Variants in DCX observed in about 807,000 individuals in gnomAD.
DCX encodes neuronal migration protein doublecortin.
Under a neutral mutation model 20.9 loss-of-function variants are expected in DCX, and 4 were observed. The observed-to-expected ratio is 0.19, with a 90% CI of 0.09 to 0.44. The LOEUF is 0.44. Among genes scored for constraint, DCX ranks in the 20% least tolerant of loss-of-function variants. The probability of loss-of-function intolerance (pLI) is 0.99; values close to 1 mark genes in which losing one functional copy is unlikely to be tolerated. For synonymous variants in DCX, 103 were observed against 111.4 expected (o/e 0.92, Z 0.47); for missense variants, 133 against 296.9 (o/e 0.45, Z 4.06).
Position 111,300,229 on chromosome X carries a change from T to G in DCX, c.*1458A>C, listed in dbSNP as rs1449853763. The G allele has an allele frequency of 8.9e-6, 1 of 112,045 alleles. No homozygotes were observed. The highest frequency in any genetic ancestry group is 1.9e-5 in the Non-Finnish European group (1 of 53,209). 9.2% of individuals were successfully genotyped at this position (112,045 alleles called of 1,213,427 possible). On this transcript the variant is annotated 3_prime_UTR_variant, in exon 7 of 7. Coordinates refer to ENST00000636035, the MANE Select transcript of DCX (RefSeq NM_001195553.2). ...CATGACCTTCACTTAAATTTAGTTG[T>G]CTTTGCCATTATGGGCTATGATTAC...
At chrX:111,404,319 TG>T in intron 2 of DCX, among the ~76,000 whole-genome samples, 1 of 111,990 alleles carries the variant, frequency 8.9e-6, no homozygotes, top group South Asian at 3.7e-4. Context: ...GATTATGATA[TG>T]ACATGAGCAC....
intron 2 of DCX, among the ~76,000 whole-genome samples, chrX:111,402,782 GGTGTGTGTGTGTGT>G (rs200058275): frequency 0.035 from 3,382 of 96,381 alleles, 75 homozygotes; most frequent in Non-Finnish European, 0.052. Context: ...GTGTGTGCGT[GGTGTGTGTGTGTGT>G]GTGTGTGTGT....
chrX:111,377,818 CCTT>C (rs780967790), intron 3 of DCX, among the ~76,000 whole-genome samples: 278 of 111,554 alleles, frequency 2.5e-3, no homozygotes, highest in African/African-American at 8.7e-3. Flanking sequence ...CTCCTTTTCT[CCTT>C]CTCCTTCTCT....
chrX:111,324,696 AG>A (rs2095095468), intron 5 of DCX, among the ~76,000 whole-genome samples: 1 of 112,390 alleles, frequency 8.9e-6, no homozygotes, highest in Admixed American at 9.4e-5. Context: ...GAGCTATATA[AG>A]TATTTGTAAA....
intron 3 of DCX, among the ~76,000 whole-genome samples, chrX:111,341,015 G>A (rs928144153): frequency 9.9e-5 from 11 of 111,039 alleles, no homozygotes; most frequent in African/African-American, 3.3e-4. Flanking sequence ...ATTAGAAGGA[G>A]GGTAAGACTG....
intron 3 of DCX, among the ~76,000 whole-genome samples, chrX:111,351,017 G>GC (rs1473206480): frequency 8.9e-6 from 1 of 111,842 alleles, no homozygotes; most frequent in African/African-American, 3.2e-5. Flanking sequence ...GGAGGAAACC[G>GC]CCCCCATGAT....
intron 5 of DCX, among the ~76,000 whole-genome samples, chrX:111,325,437 C>G (rs768645381): frequency 1.6e-4 from 18 of 111,104 alleles, no homozygotes; most frequent in Non-Finnish European, 7.6e-5. Context: ...AGATCCTAAA[C>G]TTTGTATCTT....
chrX:111,354,803 A>G (rs1249254557), intron 3 of DCX, among the ~76,000 whole-genome samples: 1 of 112,809 alleles, frequency 8.9e-6, no homozygotes, highest in Non-Finnish European at 1.9e-5. Flanking sequence ...TCAGAATTCC[A>G]GTTTTCAATG....
chrX:111,392,306 A>C (rs1927010657), intron 3 of DCX, among the ~76,000 whole-genome samples: 1 of 111,611 alleles, frequency 9.0e-6, no homozygotes, highest in African/African-American at 3.3e-5. Context: ...ATATATATTC[A>C]AGAGAAATGA....
chrX:111,328,923 C>G (rs1321575613), intron 5 of DCX, among the ~76,000 whole-genome samples: 1 of 110,473 alleles, frequency 9.1e-6, no homozygotes, highest in African/African-American at 3.3e-5. Context: ...TTCTTGCCCA[C>G]CAAAACTGTG....
At chrX:111,392,349 T>C (rs1349008396) in intron 3 of DCX, among the ~76,000 whole-genome samples, 1 of 111,042 alleles carries the variant, frequency 9.0e-6, no homozygotes, top group African/African-American at 3.3e-5. Context: ...CATGCCCAAA[T>C]GTTTATAATA....
intron 3 of DCX, among the ~76,000 whole-genome samples, chrX:111,399,227 T>C (rs917250842): frequency 9.0e-6 from 1 of 111,675 alleles, no homozygotes; most frequent in African/African-American, 3.3e-5. Flanking sequence ...TATATATATA[T>C]ACATCCATGT....
intron 6 of DCX, 101 bp from the exon 7 acceptor site, chrX:111,301,844 A>G (rs778900677): frequency 1.4e-4 from 106 of 751,564 alleles, no homozygotes; most frequent in Non-Finnish European, 1.7e-4. Flanking sequence ...AATTTTTACA[A>G]CATAATAATT....
intron 3 of DCX, among the ~76,000 whole-genome samples, chrX:111,382,866 G>A (rs1273386652): frequency 9.0e-6 from 1 of 110,598 alleles, no homozygotes; most frequent in Admixed American, 9.7e-5. Flanking sequence ...TTCTCTTCTA[G>A]GAGTCATTCA....
chrX:111,330,694 G>C (rs1921135014), intron 5 of DCX, among the ~76,000 whole-genome samples: 1 of 112,019 alleles, frequency 8.9e-6, no homozygotes, highest in Admixed American at 9.5e-5. Context: ...AATGGGCCAG[G>C]CTTCTGGTTT....
intron 6 of DCX, 84 bp from the exon 7 acceptor site, chrX:111,301,827 ATACT>A (rs2095034947): frequency 1.2e-6 from 1 of 863,870 alleles, no homozygotes; most frequent in African/African-American, 2.0e-5. Flanking sequence ...TTTTTTATTA[ATACT>A]TTAATTTTTA....
At chrX:111,409,799 C>A (rs963154648) in intron 2 of DCX, among the ~76,000 whole-genome samples, 1 of 111,889 alleles carries the variant, frequency 8.9e-6, no homozygotes, top group African/African-American at 3.2e-5. Flanking sequence ...CCTTTTTATA[C>A]CCTGGCAGAT....
At chrX:111,374,605 T>C (rs1239025720) in intron 3 of DCX, among the ~76,000 whole-genome samples, 1 of 110,712 alleles carries the variant, frequency 9.0e-6, no homozygotes, top group Admixed American at 9.6e-5. Flanking sequence ...GCCTTCCAGT[T>C]GAGTTCACCC....
chrX:111,313,293 T>C (rs956449853), intron 5 of DCX, among the ~76,000 whole-genome samples: 1 of 109,764 alleles, frequency 9.1e-6, no homozygotes, highest in African/African-American at 3.3e-5. Context: ...TCTGCATGTG[T>C]GAAAAGAACA....
Sources: allele counts gnomAD v4.1 joint callset (sites outside exome capture counted in the v4.1 genomes callset), GRCh38; gene constraint gnomAD v4.1.1; transcripts MANE v1.5; gene names NCBI Gene and HGNC (gene_info 2026-07-23, HGNC 2026-07-21).